BPIFC: variants seen among roughly 807,000 people sequenced by gnomAD.
The protein encoded by BPIFC is BPI fold containing family C.
In BPIFC, 60 loss-of-function variants were observed where a neutral mutation model predicts 57.6. The observed-to-expected ratio is 1.04, with a 90% confidence interval of 0.85 to 1.29. The LOEUF (loss-of-function observed/expected upper bound fraction) is 1.29, where lower values mean the gene tolerates loss of function less well. BPIFC is among the 50% of genes most tolerant of loss of function. The pLI is 0.00. For missense variants in BPIFC, 581 were observed against 600.5 expected, an observed-to-expected ratio of 0.97 and a Z score of 0.34; for synonymous variants, 243 against 224.5, an observed-to-expected ratio of 1.08 and a Z score of -0.74.
chr22:32,457,158 G>A (rs761439642), intron 3 of BPIFC, 105 bp downstream of exon 3: 11 of 1,332,316 alleles, frequency 8.3e-6, no homozygotes, highest in Non-Finnish European at 1.1e-5. Context: ...CCCACAGTAC[G>A]GCGTTTCTCA....
At chr22:32,449,564 G>C (rs1024635623) in intron 4 of BPIFC, among the ~76,000 whole-genome samples, 1 of 152,044 alleles carries the variant, frequency 6.6e-6, no homozygotes, top group African/African-American at 2.4e-5. Context: ...ATACATGCAG[G>C]TCTAACCAAT....
chr22:32,416,190 C>T (rs912579357), intron 15 of BPIFC, among the ~76,000 whole-genome samples, 199 bp from the exon 16 acceptor site: 2 of 151,866 alleles, frequency 1.3e-5, no homozygotes, highest in African/African-American at 4.8e-5. Context: ...GGTGATTCTC[C>T]TGCCTCAGCC....
intron 2 of BPIFC, among the ~76,000 whole-genome samples, chr22:32,459,169 G>T (rs1039767524): frequency 2.0e-5 from 3 of 152,166 alleles, no homozygotes; most frequent in African/African-American, 7.2e-5. Context: ...GTACCACTGC[G>T]CTAACACACA....
At chr22:32,442,444 C>A (rs922557693) in intron 8 of BPIFC, among the ~76,000 whole-genome samples, 1 of 152,112 alleles carries the variant, frequency 6.6e-6, no homozygotes, top group Non-Finnish European at 1.5e-5. Context: ...CATCTCATCC[C>A]CCTGGAGCCA....
At chr22:32,416,603 C>T (rs1468773589) in intron 15 of BPIFC, among the ~76,000 whole-genome samples, 1 of 152,138 alleles carries the variant, frequency 6.6e-6, no homozygotes, top group Non-Finnish European at 1.5e-5. Context: ...GTCTTGAGAA[C>T]ATTTTGGTGT....
At chr22:32,444,604 C>G (rs1053331009) in intron 7 of BPIFC, among the ~76,000 whole-genome samples, 9 of 152,158 alleles carry the variant, frequency 5.9e-5, no homozygotes, top group Admixed American at 2.6e-4. Context: ...TCCATCTTTC[C>G]CTTCTTCAGA....
Position 32,445,931 on chromosome 22 carries a change from G to A in BPIFC, c.440C>T (p.Thr147Ile), listed in dbSNP as rs756800293. Residue 147 changes from threonine (T) to isoleucine (I), a missense_variant, in exon 6 of 17, where the codon ACC becomes ATC. Transcript: ENST00000300399. ...GGTAGGATGACCAAAGTCATTTCGG[G>A]TTAGGATAATGATACCGGTAAAGTA... ...GVYFTGIIIL[T>I]RNDFGHPTLK... is the part of the protein sequence containing the mutation. 1 of 1,614,118 alleles carries A rather than the reference G, an allele frequency of 6.2e-7. No individual in the cohort carries two copies. The highest frequency in any genetic ancestry group is 8.5e-7 in the Non-Finnish European group (1 of 1,180,012).
chr22:32,453,460 TTCTTTTAGCATTTGC>T lies in BPIFC; in HGVS notation c.153_167del (p.Gln52_Glu56del), dbSNP rs763077831. On this transcript the variant is annotated inframe_deletion, in exon 4 of 17. Coordinates refer to ENST00000300399, the MANE Select transcript of BPIFC (RefSeq NM_174932.3). ...AACCGCTTAAATCTGGGAGTTTCTT[TTCTTTTAGCATTTGC>T]TCAATCATCTTCATTCCAGCTTGAA... 19 of 1,606,962 alleles carry T rather than the reference TTCTTTTAGCATTTGC, an allele frequency of 1.2e-5. No individual in the cohort carries two copies.
In BPIFC at chr22:32,428,101, G is replaced by A. The variant is rs61602510; in HGVS notation, c.1217+3246C>T. ...GAAATGGGGTCACCTCATGACTTCT[G>A]GAGGCCTGAGGCACTTTTGTCTTTG... is the stretch of plus-strand genomic sequence containing the variant. On this transcript the variant is annotated intron_variant, in intron 13 of 16. Transcript: ENST00000300399. Among the ~76,000 whole-genome samples the A allele has an allele frequency of 9.7e-4, 147 of 152,142 alleles. 3 individuals carry two copies. The East Asian group carries it at 0.023, about 24-fold the overall frequency.
rs146048463 is a variant in BPIFC at position 32,442,620 on chromosome 22, C to T, written c.655+51G>A. 1.2e-5 allele frequency: 19 copies of T among 1,564,770 alleles called. No homozygotes were observed. In the African/African-American group the frequency reaches 2.4e-4, roughly 20 times the overall value. On this transcript the variant is annotated intron_variant, in intron 8 of 16. Coordinates refer to ENST00000300399, the MANE Select transcript of BPIFC (RefSeq NM_174932.3). ...GAAAAGCAAACCCAGGCAGTACCAG[C>T]TTTTGAAGGTAGGAAGACAACCATC...
intron 13 of BPIFC, among the ~76,000 whole-genome samples, chr22:32,424,600 TCTC>T (rs879668188): frequency 0.013 from 1,001 of 78,518 alleles, 125 homozygotes; most frequent in African/African-American, 0.025. Flanking sequence ...TTCTTCTTCT[TCTC>T]CTCCTCCTCC....
At chr22:32,427,904 T>G (rs1934112999) in intron 13 of BPIFC, among the ~76,000 whole-genome samples, 1 of 152,198 alleles carries the variant, frequency 6.6e-6, no homozygotes, top group Non-Finnish European at 1.5e-5. Flanking sequence ...GGAGAATCAC[T>G]TGAACCTGGG....
chr22:32,459,252 G>A (rs1017228150), intron 2 of BPIFC, among the ~76,000 whole-genome samples: 7 of 152,228 alleles, frequency 4.6e-5, no homozygotes, highest in Admixed American at 4.6e-4. Flanking sequence ...AAGTAAGCCA[G>A]GTGTGGTGGC....
intron 11 of BPIFC, among the ~76,000 whole-genome samples, chr22:32,432,780 A>C (rs549107714): frequency 6.6e-6 from 1 of 152,352 alleles, no homozygotes; most frequent in Non-Finnish European, 1.5e-5. Flanking sequence ...TATCACATTT[A>C]ATCTTCAGAA....
chr22:32,425,427 T>G (rs1934038782), intron 13 of BPIFC, among the ~76,000 whole-genome samples: 1 of 152,074 alleles, frequency 6.6e-6, no homozygotes, highest in African/African-American at 2.4e-5. Context: ...TAGCCATGAA[T>G]TATACAAAAA....
chr22:32,449,980 C>T (rs1366539743), intron 4 of BPIFC, among the ~76,000 whole-genome samples: 2 of 151,648 alleles, frequency 1.3e-5, no homozygotes, highest in South Asian at 2.1e-4. Flanking sequence ...CTGATCCACC[C>T]ACCTTGGCCT....
At chr22:32,432,252 C>T in intron 12 of BPIFC, 121 bp downstream of exon 12, 2 of 1,090,728 alleles carry the variant, frequency 1.8e-6, no homozygotes, top group Non-Finnish European at 2.6e-6. Context: ...AGCCTCCATC[C>T]TCACTCTTAA....
At chr22:32,446,809 T>C in intron 5 of BPIFC, 1 of 985,398 alleles carries the variant, frequency 1.0e-6, no homozygotes, top group Non-Finnish European at 1.2e-6. Context: ...ACTACCATTC[T>C]TCAACCTCTG....
intron 12 of BPIFC, among the ~76,000 whole-genome samples, chr22:32,431,911 C>T (rs751474959): frequency 1.3e-5 from 2 of 151,706 alleles, no homozygotes; most frequent in Non-Finnish European, 2.9e-5. Context: ...GCTTACCTCC[C>T]ATCCTGCCAC....
Sources: gnomAD v4.1 joint callset for allele counts (sites outside exome capture counted in the v4.1 genomes callset) on GRCh38, gnomAD v4.1.1 for gene constraint, MANE v1.5 for transcripts, NCBI Gene and HGNC (gene_info 2026-07-23, HGNC 2026-07-21) for gene names.